Variants in PLD5 observed in about 807,000 individuals in gnomAD.
The protein encoded by PLD5 is inactive phospholipase D5.
PLD5 carries 36 observed loss-of-function variants against 61.1 expected under a neutral mutation model. That is an observed-to-expected ratio of 0.59 (90% CI 0.45 to 0.78). The LOEUF (loss-of-function observed/expected upper bound fraction) is 0.78, where lower values mean the gene tolerates loss of function less well. PLD5 is among the 30% of genes least tolerant of loss of function. The pLI is 0.00. For missense variants in PLD5, 515 were observed against 644.4 expected, an observed-to-expected ratio of 0.80 and a Z score of 2.17; for synonymous variants, 243 against 242.8, an observed-to-expected ratio of 1.00 and a Z score of -0.01.
At chr1:242,135,790 T>C (rs1663672312) in intron 5 of PLD5, among the ~76,000 whole-genome samples, 1 of 152,196 alleles carries the variant, frequency 6.6e-6, no homozygotes, top group Non-Finnish European at 1.5e-5. Flanking sequence ...CCAGGGTTTC[T>C]ACTTTGCCCA....
chr1:242,523,007 A>T (rs1339693510), intron 1 of PLD5, among the ~76,000 whole-genome samples: 1 of 152,174 alleles, frequency 6.6e-6, no homozygotes, highest in Non-Finnish European at 1.5e-5. Flanking sequence ...CCTGGGAAGA[A>T]GCCTGTTGGT....
In PLD5 at chr1:242,111,267, G is replaced by C. The variant is rs867541436; in HGVS notation, c.1070+2623C>G. 3.9e-5 allele frequency among the ~76,000 whole-genome samples: 6 copies of C among 152,230 alleles called. 1 individual carries two copies. In the South Asian group the frequency reaches 1.2e-3, roughly 32 times the overall value. On this transcript the variant is annotated intron_variant, in intron 7 of 9. Transcript: ENST00000536534. ...AGATGGGTTTTCACCATGTTGGCCA[G>C]GCTGGTGTTGAACTCCTGACCTCAG...
intron 1 of PLD5, among the ~76,000 whole-genome samples, chr1:242,514,838 A>G (rs1669051868): frequency 6.6e-6 from 1 of 152,144 alleles, no homozygotes; most frequent in Non-Finnish European, 1.5e-5. Flanking sequence ...AGAGGTGACA[A>G]GCAGCAGTCA....
At chr1:242,407,736 A>G (rs569804564) in intron 1 of PLD5, among the ~76,000 whole-genome samples, 1 of 151,508 alleles carries the variant, frequency 6.6e-6, no homozygotes, top group Admixed American at 6.6e-5. Context: ...GTGCCACCAC[A>G]CCTGGCTAAT....
intron 4 of PLD5, among the ~76,000 whole-genome samples, chr1:242,234,683 A>C (rs1671522477): frequency 6.6e-6 from 1 of 152,024 alleles, no homozygotes; most frequent in Non-Finnish European, 1.5e-5. Flanking sequence ...TTGGTGGTAC[A>C]AGAGTGGCAC....
At chr1:242,455,981 A>C (rs1284071342) in intron 1 of PLD5, among the ~76,000 whole-genome samples, 1 of 152,274 alleles carries the variant, frequency 6.6e-6, no homozygotes, top group Non-Finnish European at 1.5e-5. Context: ...CTAGGAGTCC[A>C]GGAATTCTAA....
intron 5 of PLD5, among the ~76,000 whole-genome samples, chr1:242,163,111 A>C (rs961731097): frequency 3.3e-5 from 5 of 151,604 alleles, no homozygotes; most frequent in Non-Finnish European, 7.4e-5. Context: ...AAAGAGGGAA[A>C]ATACTTCCCT....
intron 5 of PLD5, among the ~76,000 whole-genome samples, chr1:242,173,470 A>G (rs1666898804): frequency 6.6e-6 from 1 of 152,216 alleles, no homozygotes; most frequent in African/African-American, 2.4e-5. Context: ...AAATGGCCAT[A>G]CTGCCCAAGG....
chr1:242,113,302 C>T (rs1013419853), intron 7 of PLD5, among the ~76,000 whole-genome samples: 4 of 151,942 alleles, frequency 2.6e-5, no homozygotes, highest in Admixed American at 2.6e-4. Flanking sequence ...ACCATGTTAG[C>T]CAGGATGGTC....
intron 1 of PLD5, among the ~76,000 whole-genome samples, chr1:242,439,095 G>T (rs966674162): frequency 6.6e-6 from 1 of 152,064 alleles, no homozygotes; most frequent in South Asian, 2.1e-4. Flanking sequence ...CCACCACCTG[G>T]CATAGCGCTT....
At chr1:242,255,609 C>T (rs1309054575) in intron 4 of PLD5, among the ~76,000 whole-genome samples, 1 of 152,218 alleles carries the variant, frequency 6.6e-6, no homozygotes, top group Admixed American at 6.5e-5. Context: ...AAAAAAATTA[C>T]ACATGCTTCT....
At chr1:242,135,610 T>C (rs1203963209) in intron 5 of PLD5, among the ~76,000 whole-genome samples, 3 of 151,950 alleles carry the variant, frequency 2.0e-5, no homozygotes, top group Admixed American at 6.5e-5. Flanking sequence ...GATGGAAAGA[T>C]ACTGGAGGTA....
At chr1:242,402,693 C>G (rs1664009194) in intron 1 of PLD5, among the ~76,000 whole-genome samples, 1 of 152,178 alleles carries the variant, frequency 6.6e-6, no homozygotes, top group Non-Finnish European at 1.5e-5. Context: ...ATTTTGTTTT[C>G]TAATGTCCAA....
At chr1:242,229,950 G>T (rs1161456124) in intron 4 of PLD5, among the ~76,000 whole-genome samples, 1 of 150,796 alleles carries the variant, frequency 6.6e-6, no homozygotes, top group Non-Finnish European at 1.5e-5. Context: ...GGTCCATTCA[G>T]TTCCCCAAGC....
Position 242,199,400 on chromosome 1 carries a change from G to A in PLD5, c.735+20588C>T, listed in dbSNP as rs147212178. ...CTCTTGAGTAGCTGGGATTACAGGCGCCCGCCACCACGCCCAGCTAATTTT... is the reference window on the plus strand; with the variant it reads ...CTCTTGAGTAGCTGGGATTACAGGCACCCGCCACCACGCCCAGCTAATTTT... On this transcript the variant is annotated intron_variant, in intron 5 of 9. Transcript: ENST00000536534. Among the ~76,000 whole-genome samples the A allele has an allele frequency of 3.9e-3, 589 of 151,624 alleles. 1 individual carries two copies. Among genetic ancestry groups the A allele is most frequent in the African/African-American group, 0.013 (554 of 41,310 alleles).
intron 5 of PLD5, among the ~76,000 whole-genome samples, chr1:242,184,520 C>T (rs747411773): frequency 2.0e-4 from 30 of 152,094 alleles, no homozygotes; most frequent in Non-Finnish European, 2.8e-4. Flanking sequence ...AGGAGCCCAC[C>T]GCAACGCCTG....
At chr1:242,440,078 GGGGATAAAT>G (rs1265970402) in intron 1 of PLD5, among the ~76,000 whole-genome samples, 1 of 152,160 alleles carries the variant, frequency 6.6e-6, no homozygotes, top group Non-Finnish European at 1.5e-5. Flanking sequence ...ACATAGAATA[GGGGATAAAT>G]GGAGCTCCTG....
At chr1:242,200,500 C>T (rs1004456410) in intron 5 of PLD5, among the ~76,000 whole-genome samples, 1 of 152,124 alleles carries the variant, frequency 6.6e-6, no homozygotes, top group African/African-American at 2.4e-5. Context: ...TGGTTGAATT[C>T]CAGTTAAAGA....
At chr1:242,199,348 A>G (rs980292435) in intron 5 of PLD5, among the ~76,000 whole-genome samples, 7 of 151,762 alleles carry the variant, frequency 4.6e-5, no homozygotes, top group African/African-American at 1.7e-4. Context: ...TCTGCCTCCC[A>G]GGTTCAAGTG....
Sources: gnomAD v4.1 joint callset for allele counts (sites outside exome capture counted in the v4.1 genomes callset) on GRCh38, gnomAD v4.1.1 for gene constraint, MANE v1.5 for transcripts, NCBI Gene and HGNC (gene_info 2026-07-23, HGNC 2026-07-21) for gene names.